Variants in GLIPR2 observed in about 807,000 individuals in gnomAD.
GLIPR2 encodes GLI pathogenesis related 2.
In GLIPR2, 21 loss-of-function variants were observed where a neutral mutation model predicts 20.4. The observed-to-expected ratio is 1.03, with a 90% CI of 0.73 to 1.48. GLIPR2 has a LOEUF of 1.48. Ranked by LOEUF, GLIPR2 falls within the 40% of genes most tolerant of loss-of-function variation. GLIPR2 has a pLI of 0.00. For missense variants in GLIPR2, 205 were observed against 200.1 expected (o/e 1.02, Z -0.15); for synonymous variants, 91 against 80.5 (o/e 1.13, Z -0.70).
chr9:36,136,797 C>T lies in GLIPR2; in HGVS notation c.13+6C>T. 1 of 1,300,374 alleles carries T rather than the reference C, an allele frequency of 7.7e-7. No homozygotes were observed. The highest frequency in any genetic ancestry group is 3.1e-5 in the East Asian group (1 of 32,092). The allele number at this position is 1,300,374 out of a possible 1,614,324, so 80.6% of individuals were successfully genotyped here. A position where few individuals can be genotyped will look rare whatever the true frequency, so the allele number is the denominator to read the frequency against. Reference sequence around the variant, plus strand: ...GCCGGCCATGGGCAAGTCAGGTGAGCCCGCGGGCTCGCCCGCTGCGGAATG... The same window carrying T: ...GCCGGCCATGGGCAAGTCAGGTGAGTCCGCGGGCTCGCCCGCTGCGGAATG... On this transcript the variant is annotated splice_donor_region_variant and intron_variant, in intron 1 of 4. Transcript: ENST00000377960. The surrounding 1 kb of genome is among the most constrained non-coding windows in gnomAD (Gnocchi z 4.3).
chr9:36,136,603 C>T (rs1313026609), upstream of GLIPR2: 1 of 395,086 alleles, frequency 2.5e-6, no homozygotes, highest in Non-Finnish European at 4.3e-6. The surrounding 1 kb of genome is among the most constrained non-coding windows in gnomAD (Gnocchi z 4.3). Flanking sequence ...CCGGGAGGCC[C>T]ACGGGGTGGC....
At chr9:36,140,339 T>C (rs2132709730) in intron 1 of GLIPR2, among the ~76,000 whole-genome samples, 2 of 152,344 alleles carry the variant, frequency 1.3e-5, no homozygotes, top group East Asian at 3.9e-4. Flanking sequence ...CTCAGGCCTC[T>C]GCAGGGAGAA....
In GLIPR2 at chr9:36,162,465, G is replaced by A. The variant is rs1425877411; in HGVS notation, c.408G>A (p.Ala136=). Residue 136 remains alanine, a synonymous_variant, in exon 5 of 5, where the codon GCG becomes GCA. Transcript: ENST00000377960. The stretch of plus-strand genomic sequence containing the variant: ...TTGTGGTGGCCAGATACTTCCCAGC[G>A]GGGAATGTTGTCAATGAGGGCTTCT... ...SSFVVARYFP[A]GNVVNEGFFE... is the part of the protein sequence containing the mutation. The A allele has an allele frequency of 9.3e-6, 15 of 1,614,000 alleles. No individual in the cohort carries two copies. The highest frequency in any genetic ancestry group is 1.3e-5 in the African/African-American group (1 of 74,926).
chr9:36,151,683 T>C (rs923594397), intron 4 of GLIPR2, among the ~76,000 whole-genome samples: 1 of 152,118 alleles, frequency 6.6e-6, no homozygotes, highest in Non-Finnish European at 1.5e-5. Context: ...TGTGGGTCCA[T>C]GTTCCCTTCT....
chr9:36,155,314 G>T (rs1295911986), intron 4 of GLIPR2, among the ~76,000 whole-genome samples: 1 of 152,222 alleles, frequency 6.6e-6, no homozygotes, highest in Non-Finnish European at 1.5e-5. Flanking sequence ...GTTTTAAATG[G>T]CTGGGCGTGG....
intron 1 of GLIPR2, among the ~76,000 whole-genome samples, chr9:36,138,081 C>T (rs754721840): frequency 2.0e-5 from 3 of 152,186 alleles, no homozygotes; most frequent in Admixed American, 2.0e-4. Flanking sequence ...AATGGGTTGC[C>T]ATTTAGTTAA....
intron 4 of GLIPR2, chr9:36,162,100 A>T: frequency 1.7e-6 from 1 of 571,710 alleles, no homozygotes. Flanking sequence ...ACTCGAACCC[A>T]GGAGGTGGAG....
chr9:36,148,906 C>T (rs1056918729), intron 3 of GLIPR2, among the ~76,000 whole-genome samples: 6 of 152,194 alleles, frequency 3.9e-5, no homozygotes, highest in East Asian at 1.9e-4. Flanking sequence ...CCCCCACTTT[C>T]GGAGAAGCTC....
At chr9:36,145,904 C>T (rs1825310202) in intron 1 of GLIPR2, among the ~76,000 whole-genome samples, 1 of 152,140 alleles carries the variant, frequency 6.6e-6, no homozygotes, top group African/African-American at 2.4e-5. Context: ...CTCTCCCTAA[C>T]CACAGCCTCC....
chr9:36,162,778 C>G lies in GLIPR2; in HGVS notation c.*256C>G, dbSNP rs1051095868. ...ATTTGGATTGGGGGGAGGGGGGATC[C>G]GTTTTTTTTTTTTAATTTTTTGTTA... is the stretch of plus-strand genomic sequence containing the variant. On this transcript the variant is annotated 3_prime_UTR_variant, in exon 5 of 5. Coordinates refer to ENST00000377960, the MANE Select transcript of GLIPR2 (RefSeq NM_022343.4). 1.9e-6 allele frequency: 1 copy of G among 538,890 alleles called. No homozygotes were observed. The highest frequency in any genetic ancestry group is 2.0e-5 in the African/African-American group (1 of 50,480). The allele number at this position is 538,890 out of a possible 1,614,324, so 33.4% of individuals were successfully genotyped here.
chr9:36,152,865 T>C (rs1208977589), intron 4 of GLIPR2, among the ~76,000 whole-genome samples: 2 of 145,512 alleles, frequency 1.4e-5, no homozygotes, highest in Non-Finnish European at 3.0e-5. Context: ...TCCCAAAACT[T>C]TGGGAGGCCA....
chr9:36,154,751 C>T (rs532304035), intron 4 of GLIPR2, among the ~76,000 whole-genome samples: 13 of 152,334 alleles, frequency 8.5e-5, no homozygotes, highest in South Asian at 6.2e-4. Flanking sequence ...AAACCTCCCC[C>T]GCGAGAAGAA....
At chr9:36,155,431 CA>C (rs1825786740) in intron 4 of GLIPR2, among the ~76,000 whole-genome samples, 2 of 151,852 alleles carry the variant, frequency 1.3e-5, no homozygotes, top group Admixed American at 6.6e-5. Flanking sequence ...CTGTCTTTAC[CA>C]AAAATACAAA....
At chr9:36,154,974 G>A (rs745488641) in intron 4 of GLIPR2, among the ~76,000 whole-genome samples, 2 of 152,186 alleles carry the variant, frequency 1.3e-5, no homozygotes, top group Admixed American at 6.5e-5. Flanking sequence ...CTTTGGAAAC[G>A]GCCTGTAGAA....
At chr9:36,156,467 T>C (rs1017241744) in intron 4 of GLIPR2, among the ~76,000 whole-genome samples, 3 of 151,166 alleles carry the variant, frequency 2.0e-5, no homozygotes, top group African/African-American at 7.3e-5. Flanking sequence ...CCATTTTAGG[T>C]ATACAGTTCA....
chr9:36,161,543 T>C (rs1587164323), intron 4 of GLIPR2, among the ~76,000 whole-genome samples: 1 of 146,998 alleles, frequency 6.8e-6, no homozygotes, highest in African/African-American at 2.5e-5. Context: ...CTGGGAAGTG[T>C]GGGTCCTTCA....
intron 1 of GLIPR2, among the ~76,000 whole-genome samples, chr9:36,140,283 G>A (rs1024133922): frequency 2.6e-5 from 4 of 152,172 alleles, no homozygotes; most frequent in African/African-American, 9.7e-5. Flanking sequence ...GAGCAGAGAG[G>A]CCTTTAGGGA....
At chr9:36,153,167 T>A (rs1202857955) in intron 4 of GLIPR2, among the ~76,000 whole-genome samples, 2 of 151,082 alleles carry the variant, frequency 1.3e-5, no homozygotes, top group African/African-American at 4.9e-5. Flanking sequence ...ATTCTACCCA[T>A]TTTGAAGAGG....
At position 36,136,838 on chromosome 9, in the gene GLIPR2, C is replaced by G; in HGVS notation, c.13+47C>G. 7.9e-7 allele frequency: 1 copy of G among 1,264,298 alleles called. No homozygotes were observed. Among genetic ancestry groups the G allele is most frequent in the South Asian group, 2.7e-5 (1 of 36,444 alleles). The allele number at this position is 1,264,298 out of a possible 1,614,324, so 78.3% of individuals were successfully genotyped here. The stretch of plus-strand genomic sequence containing the variant: ...CTGCGGAATGGTTCGGAACCCCGCG[C>G]TCCCGGACCTCGCCGTCTCCCTCGT... On this transcript the variant is annotated intron_variant, in intron 1 of 4. Transcript: ENST00000377960. This position sits in a 1 kb window ranked among gnomAD's most constrained non-coding sequence, Gnocchi z 4.3.
Sources: gnomAD v4.1 joint callset for allele counts (sites outside exome capture counted in the v4.1 genomes callset) on GRCh38, gnomAD v4.1.1 for gene constraint, Gnocchi (gnomAD v3.1) non-coding constraint, MANE v1.5 for transcripts, NCBI Gene and HGNC (gene_info 2026-07-23, HGNC 2026-07-21) for gene names.